SMARCA4: variants seen among roughly 807,000 people sequenced by gnomAD.
The protein encoded by SMARCA4 is SWI/SNF related BAF chromatin remodeling complex subunit ATPase 4.
SMARCA4 carries 31 observed loss-of-function variants against 193.9 expected under a neutral mutation model. The ratio of observed to expected loss-of-function variants is 0.16; its 90% CI spans 0.12 to 0.22. The LOEUF (loss-of-function observed/expected upper bound fraction) is 0.22, where lower values mean the gene tolerates loss of function less well. Among genes scored for constraint, SMARCA4 ranks in the 10% least tolerant of loss-of-function variants. The pLI, the probability that SMARCA4 is intolerant of heterozygous loss-of-function variation, is 1.00. For synonymous variants in SMARCA4, 942 were observed against 933.1 expected, an observed-to-expected ratio of 1.01 and a Z score of -0.17; for missense variants, 1,148 against 2,296.0, an observed-to-expected ratio of 0.50 and a Z score of 10.22.
Position 11,030,332 on chromosome 19 carries a change from A to C in SMARCA4, c.3383-398A>C, listed in dbSNP as rs2074838161. 6.6e-6 allele frequency among the ~76,000 whole-genome samples: 1 copy of C among 152,196 alleles called. No homozygotes were observed. The highest frequency in any genetic ancestry group is 2.4e-5 in the African/African-American group (1 of 41,458). On this transcript the variant is annotated intron_variant, in intron 24 of 34. Coordinates refer to ENST00000344626, the MANE Select transcript of SMARCA4 (RefSeq NM_003072.5). The surrounding 1 kb of genome is among the most constrained non-coding windows in gnomAD (Gnocchi z 5.5). ...TGTTGCGAGCGGCGGTGTTGCCGGC[A>C]TTGGCCGCTGTGTCTTCCGCTCCCC...
chr19:11,049,485 GT>G (rs56043428), intron 30 of SMARCA4, among the ~76,000 whole-genome samples: 28,737 of 142,846 alleles, frequency 0.2, 3,147 homozygotes, highest in South Asian at 0.26. Context: ...TGGGTTCTGT[GT>G]TTTTTTTTTT....
chr19:10,964,475 T>A (rs1434173997), intron 1 of SMARCA4, among the ~76,000 whole-genome samples: 1 of 151,892 alleles, frequency 6.6e-6, no homozygotes, highest in Non-Finnish European at 1.5e-5. Context: ...CACACCTGGC[T>A]AAGTTTTGTA....
chr19:11,030,908 G>A lies in SMARCA4; in HGVS notation c.3546+15G>A, dbSNP rs373423700. 1.1e-4 allele frequency: 179 copies of A among 1,607,524 alleles called. No homozygotes were observed. The highest frequency in any genetic ancestry group is 1.9e-4 in the Admixed American group (11 of 59,386). Reference sequence around the variant, plus strand: ...ATCCTCACCAGGTAAAAGCGGGCCGGGCCCCAGGTCGAGGAGAAGGAAGGG... The same window carrying A: ...ATCCTCACCAGGTAAAAGCGGGCCGAGCCCCAGGTCGAGGAGAAGGAAGGG... On this transcript the variant is annotated intron_variant, in intron 25 of 34. Transcript: ENST00000344626. The surrounding 1 kb of genome is among the most constrained non-coding windows in gnomAD (Gnocchi z 5.5).
chr19:11,030,892 A>T lies in SMARCA4; in HGVS notation c.3545A>T (p.Gln1182Leu), dbSNP rs1345466389. ...TTTGACAGCGACTGGAATCCTCACC[A>T]GGTAAAAGCGGGCCGGGCCCCAGGT... ...IIFDSDWNPHQDLQAQDRAHR... is the reference protein window; with the variant it reads ...IIFDSDWNPHLDLQAQDRAHR... The change falls in exon 25 of 35, where the codon CAG becomes CTG. Residue 1182 changes from glutamine (Q) to leucine (L), a missense_variant and splice_region_variant. Gln to Leu is a moderately radical substitution (Grantham distance 113). Transcript: ENST00000344626. The surrounding 1 kb of genome is among the most constrained non-coding windows in gnomAD (Gnocchi z 5.5). 6.2e-7 allele frequency: 1 copy of T among 1,610,158 alleles called. No individual in the cohort carries two copies. Among genetic ancestry groups the T allele is most frequent in the Non-Finnish European group, 8.5e-7 (1 of 1,178,658 alleles).
At chr19:11,015,287 C>T (rs1215386732) in intron 16 of SMARCA4, among the ~76,000 whole-genome samples, 1 of 152,222 alleles carries the variant, frequency 6.6e-6, no homozygotes, top group African/African-American at 2.4e-5. Context: ...AGTTTTCTCA[C>T]AAGTGGCCTT....
chr19:11,020,410 T>C (rs2089759646), intron 18 of SMARCA4, among the ~76,000 whole-genome samples: 1 of 151,430 alleles, frequency 6.6e-6, no homozygotes, highest in Non-Finnish European at 1.5e-5. Flanking sequence ...GTTTTTTGCG[T>C]TTTGGTTTTT....
chr19:11,019,525 G>T lies in SMARCA4; in HGVS notation c.2506-66G>T. ...CACTGGGCAGTTGCAGGGGGTGCCT[G>T]TGCCCCTCTTGCCACCTGGCCACCC... On this transcript the variant is annotated intron_variant, in intron 17 of 34. Coordinates refer to ENST00000344626, the MANE Select transcript of SMARCA4 (RefSeq NM_003072.5). This position sits in a 1 kb window ranked among gnomAD's most constrained non-coding sequence, Gnocchi z 6.1. 1.0e-6 allele frequency: 1 copy of T among 973,914 alleles called. No individual in the cohort carries two copies. The highest frequency in any genetic ancestry group is 2.0e-5 in the Admixed American group (1 of 50,768). 60.3% of individuals were successfully genotyped at this position (973,914 alleles called of 1,614,324 possible).
chr19:10,964,061 G>A (rs1415928903), intron 1 of SMARCA4, among the ~76,000 whole-genome samples: 1 of 152,216 alleles, frequency 6.6e-6, no homozygotes, highest in Non-Finnish European at 1.5e-5. Context: ...AGGCTTTTGA[G>A]CAGGGGAGGT....
intron 7 of SMARCA4, 23 bp downstream of exon 7, chr19:10,989,466 C>G: frequency 6.2e-7 from 1 of 1,613,418 alleles, no homozygotes; most frequent in Admixed American, 1.7e-5. Context: ...ATGGCCGCAG[C>G]TTTCCGAAAA....
At chr19:10,982,988 G>T (rs2085686528) in intron 1 of SMARCA4, among the ~76,000 whole-genome samples, 1 of 152,194 alleles carries the variant, frequency 6.6e-6, no homozygotes, top group Non-Finnish European at 1.5e-5. Flanking sequence ...AACCCAGGGT[G>T]TCAGAGCCAG....
intron 1 of SMARCA4, among the ~76,000 whole-genome samples, chr19:10,976,930 G>A (rs1225646990): frequency 2.0e-5 from 3 of 152,094 alleles, no homozygotes; most frequent in South Asian, 2.1e-4. Flanking sequence ...GGCAGTGTGC[G>A]CCTGTAGTCC....
rs1238992706 is a variant in SMARCA4, at chr19:11,019,416, G to A, written c.2506-175G>A. On this transcript the variant is annotated intron_variant, in intron 17 of 34. Coordinates refer to ENST00000344626, the MANE Select transcript of SMARCA4 (RefSeq NM_003072.5). This position sits in a 1 kb window ranked among gnomAD's most constrained non-coding sequence, Gnocchi z 6.1. Reference sequence around the variant, plus strand: ...CTCTTCCCCCTGCAGCGCGTGTTCTGCGTGGTGAGGTCTGGGGACGCGCCA... The same window carrying A: ...CTCTTCCCCCTGCAGCGCGTGTTCTACGTGGTGAGGTCTGGGGACGCGCCA... The A allele has an allele frequency of 1.6e-6, 1 of 635,786 alleles. No homozygotes were observed. Among genetic ancestry groups the A allele is most frequent in the South Asian group, 1.8e-5 (1 of 56,120 alleles). 39.4% of individuals were successfully genotyped at this position (635,786 alleles called of 1,614,324 possible).
chr19:11,023,529 T>C lies in SMARCA4; in HGVS notation c.2871T>C (p.Asn957=). 6.2e-7 allele frequency: 1 copy of C among 1,611,242 alleles called. No homozygotes were observed. The highest frequency in any genetic ancestry group is 8.5e-7 in the Non-Finnish European group (1 of 1,177,702). The part of the protein sequence containing the change: ...FAMTGEKVDL[N]EEETILIIRR... ...TTGGGGGCTTCCAGGTGGACCTGAA[T>C]GAGGAGGAAACCATTCTCATCATCC... is the stretch of plus-strand genomic sequence containing the variant. The change falls in exon 20 of 35, where the codon AAT becomes AAC. Residue 957 remains asparagine (N), a synonymous_variant. Transcript: ENST00000344626.
intron 24 of SMARCA4, among the ~76,000 whole-genome samples, chr19:11,029,809 G>A (rs2090515822): frequency 6.6e-6 from 1 of 151,998 alleles, no homozygotes; most frequent in Admixed American, 6.6e-5. Flanking sequence ...TGGTATCTGG[G>A]ATTACAGGCG....
intron 1 of SMARCA4, among the ~76,000 whole-genome samples, chr19:10,968,044 G>A (rs1270141535): frequency 6.6e-6 from 1 of 151,364 alleles, no homozygotes; most frequent in Non-Finnish European, 1.5e-5. Context: ...GCCCTGCGGG[G>A]GTTTCACCAT....
chr19:11,060,256 A>G (rs2147130402), intron 34 of SMARCA4, 69 bp downstream of exon 34: 1 of 1,531,130 alleles, frequency 6.5e-7, no homozygotes, highest in South Asian at 1.2e-5. Context: ...CTGATGGGAC[A>G]GCCCTGTGGG....
chr19:11,003,461 G>T, intron 13 of SMARCA4, 64 bp downstream of exon 13: 1 of 1,438,546 alleles, frequency 7.0e-7, no homozygotes, highest in African/African-American at 1.4e-5. Context: ...TCCACCCTGT[G>T]TGTTGTGACC....
intron 13 of SMARCA4, 76 bp from the exon 14 acceptor site, chr19:11,007,826 A>T (rs1359761787): frequency 6.5e-7 from 1 of 1,532,916 alleles, no homozygotes; most frequent in Non-Finnish European, 9.0e-7. Context: ...TGCTTCTGAG[A>T]CTGTTCTCCC....
Position 11,019,573 on chromosome 19 carries a change from A to C in SMARCA4, c.2506-18A>C. On this transcript the variant is annotated intron_variant, in intron 17 of 34. Coordinates refer to ENST00000344626, the MANE Select transcript of SMARCA4 (RefSeq NM_003072.5). This position sits in a 1 kb window ranked among gnomAD's most constrained non-coding sequence, Gnocchi z 6.1. ...CCCGGCTCCAAAAGCCGAGCTGTGCATCCTGCTTCCCTTGCAGGGATCCCC... is the reference window on the plus strand; with the variant it reads ...CCCGGCTCCAAAAGCCGAGCTGTGCCTCCTGCTTCCCTTGCAGGGATCCCC... The C allele has an allele frequency of 6.3e-6, 10 of 1,583,564 alleles. No homozygotes were observed. The highest frequency in any genetic ancestry group is 8.6e-6 in the Non-Finnish European group (10 of 1,157,454).
Sources: gnomAD v4.1 joint callset for allele counts (sites outside exome capture counted in the v4.1 genomes callset) on GRCh38, gnomAD v4.1.1 for gene constraint, Gnocchi (gnomAD v3.1) non-coding constraint, MANE v1.5 for transcripts, NCBI Gene and HGNC (gene_info 2026-07-23, HGNC 2026-07-21) for gene names.